The following CLNK variants were observed in gnomAD, a reference collection of about 807,000 sequenced individuals.
CLNK encodes cytokine dependent hematopoietic cell linker, also known as cytokine-dependent hematopoietic cell linker.
Under a neutral mutation model 68.6 loss-of-function variants are expected in CLNK, and 74 were observed. That is an observed-to-expected ratio of 1.08 (90% CI 0.89 to 1.31). The LOEUF (loss-of-function observed/expected upper bound fraction) is 1.31. Among genes scored for constraint, CLNK ranks in the 50% most tolerant of loss-of-function variants. The pLI is 0.00. For synonymous variants in CLNK, 198 were observed against 172.2 expected (o/e 1.15, Z -1.17); for missense variants, 553 against 515.3 (o/e 1.07, Z -0.71).
At chr4:10,631,123 T>C (rs1722873633) in intron 2 of CLNK, among the ~76,000 whole-genome samples, 1 of 152,184 alleles carries the variant, frequency 6.6e-6, no homozygotes, top group Admixed American at 6.5e-5. Flanking sequence ...TCTGTGTCTC[T>C]CCTGCTCCTC....
At chr4:10,532,013 T>A (rs962820277) in intron 12 of CLNK, among the ~76,000 whole-genome samples, 4 of 152,260 alleles carry the variant, frequency 2.6e-5, no homozygotes, top group Non-Finnish European at 5.9e-5. Context: ...GGGCACGTTC[T>A]TCCTATAACA....
At chr4:10,518,403 T>C (rs1014559067) in intron 15 of CLNK, among the ~76,000 whole-genome samples, 12 of 152,128 alleles carry the variant, frequency 7.9e-5, no homozygotes. Context: ...AGTCAATAAA[T>C]ATTTATTAGA....
the CLNK span, among the ~76,000 whole-genome samples, chr4:10,714,374 A>G: frequency 3.3e-5 from 5 of 152,230 alleles, no homozygotes; most frequent in Non-Finnish European, 7.3e-5. Context: ...AAGCAAGTTA[A>G]TATCTGCAAA....
intron 2 of CLNK, 145 bp from the exon 3 acceptor site, chr4:10,598,194 T>G: frequency 1.6e-6 from 1 of 623,318 alleles, no homozygotes; most frequent in Non-Finnish European, 2.8e-6. Context: ...TCTCTTTGCA[T>G]TACCACTAGG....
intron 2 of CLNK, among the ~76,000 whole-genome samples, chr4:10,648,877 A>G (rs1400488323): frequency 6.6e-6 from 1 of 152,220 alleles, no homozygotes. Flanking sequence ...TGAGAGGGTC[A>G]GTGCTCATTC....
In CLNK at chr4:10,486,494, A is replaced by C. The variant is rs975027647; in HGVS notation, c.*3973T>G. 27 of 147,826 alleles carry C rather than the reference A, an allele frequency of 1.8e-4. No homozygotes were observed. Among genetic ancestry groups the C allele is most frequent in the African/African-American group, 6.9e-4 (26 of 37,418 alleles). The allele number at this position is 147,826 out of a possible 1,614,324, so 9.2% of individuals were successfully genotyped here. Reference sequence around the variant, plus strand: ...GAACAAATATTGCTCAGAATAAAAAAGATATACAAATATAATGCTAATATA... The same window carrying C: ...GAACAAATATTGCTCAGAATAAAAACGATATACAAATATAATGCTAATATA... On this transcript the variant is annotated 3_prime_UTR_variant, in exon 19 of 19. Coordinates refer to ENST00000226951, the MANE Select transcript of CLNK (RefSeq NM_052964.4).
chr4:10,728,701 G>C, the CLNK span, among the ~76,000 whole-genome samples: 55 of 148,044 alleles, frequency 3.7e-4, no homozygotes, highest in Middle Eastern at 3.4e-3. Context: ...CTGTTCTCCT[G>C]CCTCAGCCTC....
At chr4:10,632,731 A>T (rs1021808084) in intron 2 of CLNK, among the ~76,000 whole-genome samples, 1 of 152,168 alleles carries the variant, frequency 6.6e-6, no homozygotes, top group Non-Finnish European at 1.5e-5. Flanking sequence ...CCACACACCC[A>T]TGTTACCTTT....
intron 8 of CLNK, among the ~76,000 whole-genome samples, chr4:10,545,921 G>A (rs971848752): frequency 2.6e-5 from 4 of 152,206 alleles, no homozygotes; most frequent in African/African-American, 9.7e-5. Context: ...CAGCCATGAA[G>A]TGCTGTGCTG....
intron 14 of CLNK, 89 bp from the exon 15 acceptor site, chr4:10,520,920 C>A: frequency 1.1e-6 from 1 of 902,064 alleles, no homozygotes; most frequent in Admixed American, 2.0e-5. Flanking sequence ...ATGATAATAG[C>A]CTGAAGTCAC....
rs1284141113 is a variant in CLNK at position 10,489,830 on chromosome 4, C to G, written c.*637G>C. The G allele has an allele frequency of 6.6e-6, 1 of 151,434 alleles. No homozygotes were observed. Among genetic ancestry groups the G allele is most frequent in the East Asian group, 1.9e-4 (1 of 5,158 alleles). The allele number at this position is 151,434 out of a possible 1,614,324, so 9.4% of individuals were successfully genotyped here. ...TACAGGCACCCACCACCACGCCCAG[C>G]TGATTTTTTGTATTTTTAGTAGACA... On this transcript the variant is annotated 3_prime_UTR_variant, in exon 19 of 19. Transcript: ENST00000226951.
chr4:10,680,361 C>G, intron 1 of CLNK, among the ~76,000 whole-genome samples: 1 of 92,936 alleles, frequency 1.1e-5, no homozygotes, highest in Non-Finnish European at 2.0e-5. Flanking sequence ...ACACTGGGGC[C>G]TGTGGTGGGT....
At chr4:10,561,722 G>A (rs1719894308) in intron 7 of CLNK, among the ~76,000 whole-genome samples, 1 of 152,128 alleles carries the variant, frequency 6.6e-6, no homozygotes, top group Non-Finnish European at 1.5e-5. Flanking sequence ...CAGCCCCTGG[G>A]GGACTACCCT....
chr4:10,582,794 A>G (rs1478671178), intron 4 of CLNK, among the ~76,000 whole-genome samples: 1 of 152,244 alleles, frequency 6.6e-6, no homozygotes, highest in Non-Finnish European at 1.5e-5. Flanking sequence ...AAATTACTAT[A>G]CTGTTACCAC....
chr4:10,722,975 G>A, the CLNK span, among the ~76,000 whole-genome samples: 6 of 151,994 alleles, frequency 3.9e-5, no homozygotes, highest in Admixed American at 1.3e-4. Flanking sequence ...GCTTGAACCC[G>A]GGAGGTTGCA....
chr4:10,688,354 T>G (rs1368453758), upstream of CLNK, among the ~76,000 whole-genome samples: 1 of 152,118 alleles, frequency 6.6e-6, no homozygotes, highest in Non-Finnish European at 1.5e-5. Context: ...ATGAAACTCT[T>G]GGGTAGATCA....
chr4:10,637,354 T>C (rs1435983716), intron 2 of CLNK, among the ~76,000 whole-genome samples: 1 of 151,766 alleles, frequency 6.6e-6, no homozygotes, highest in Non-Finnish European at 1.5e-5. Flanking sequence ...TTGGAAGATA[T>C]CTGCCCTGGA....
the CLNK span, among the ~76,000 whole-genome samples, chr4:10,705,923 A>G: frequency 6.6e-6 from 1 of 152,230 alleles, no homozygotes; most frequent in Non-Finnish European, 1.5e-5. Context: ...TGAGAAGCCC[A>G]TAGGCTCTGG....
intron 2 of CLNK, among the ~76,000 whole-genome samples, chr4:10,615,653 C>T (rs903927912): frequency 6.6e-6 from 1 of 152,308 alleles, no homozygotes; most frequent in South Asian, 2.1e-4. Flanking sequence ...GATGAGGATG[C>T]GAGCTCATAG....
Sources: gnomAD v4.1 joint callset for allele counts (sites outside exome capture counted in the v4.1 genomes callset) on GRCh38, gnomAD v4.1.1 for gene constraint, MANE v1.5 for transcripts, NCBI Gene and HGNC (gene_info 2026-07-23, HGNC 2026-07-21) for gene names.